TMEM117: variants seen among roughly 807,000 people sequenced by gnomAD.
The protein encoded by TMEM117 is transmembrane protein 117.
TMEM117 carries 27 observed loss-of-function variants against 52.4 expected under a neutral mutation model. The ratio of observed to expected loss-of-function variants is 0.51; its 90% CI spans 0.38 to 0.71. The LOEUF is 0.71. Among genes scored for constraint, TMEM117 ranks in the 30% least tolerant of loss-of-function variants. The pLI is 0.00. For synonymous variants in TMEM117, 215 were observed against 206.3 expected (o/e 1.04, Z -0.36); for missense variants, 556 against 630.5 (o/e 0.88, Z 1.26).
chr12:43,899,094 G>A (rs1188509926), intron 2 of TMEM117, among the ~76,000 whole-genome samples: 1 of 152,198 alleles, frequency 6.6e-6, no homozygotes, highest in Non-Finnish European at 1.5e-5. Context: ...ATACTGCTGA[G>A]AATTCAATAC....
At chr12:44,149,317 T>G (rs1948688959) in intron 4 of TMEM117, among the ~76,000 whole-genome samples, 1 of 152,160 alleles carries the variant, frequency 6.6e-6, no homozygotes, top group Non-Finnish European at 1.5e-5. Context: ...TAAATTTCAG[T>G]GGACAGAGAG....
At chr12:43,945,775 G>C (rs1945122224) in intron 3 of TMEM117, among the ~76,000 whole-genome samples, 1 of 152,194 alleles carries the variant, frequency 6.6e-6, no homozygotes, top group African/African-American at 2.4e-5. Context: ...AGATCAGAAA[G>C]TTAGGTAATA....
At chr12:43,842,453 C>T (rs1240565045) in intron 1 of TMEM117, among the ~76,000 whole-genome samples, 2 of 85,372 alleles carry the variant, frequency 2.3e-5, no homozygotes, top group African/African-American at 3.6e-4. Context: ...ATTCTATTGC[C>T]AATGTTTATA....
chr12:43,838,543 T>G (rs1297632064), intron 1 of TMEM117, among the ~76,000 whole-genome samples: 2 of 150,142 alleles, frequency 1.3e-5, no homozygotes, highest in South Asian at 2.2e-4. Flanking sequence ...TCCAGTTTTT[T>G]TTTTTTTTTT....
At chr12:44,063,329 A>G (rs1198139870) in intron 3 of TMEM117, among the ~76,000 whole-genome samples, 1 of 152,200 alleles carries the variant, frequency 6.6e-6, no homozygotes, top group Non-Finnish European at 1.5e-5. Flanking sequence ...AACCTTGAAT[A>G]TCTTATTAGC....
At chr12:44,058,296 T>C (rs1947089189) in intron 3 of TMEM117, among the ~76,000 whole-genome samples, 2 of 152,156 alleles carry the variant, frequency 1.3e-5, no homozygotes, top group Non-Finnish European at 1.5e-5. Context: ...GTCAAATCAG[T>C]ATGAAAAAGT....
chr12:44,180,631 A>C (rs1184247108), intron 4 of TMEM117, among the ~76,000 whole-genome samples: 2 of 151,250 alleles, frequency 1.3e-5, no homozygotes, highest in African/African-American at 2.4e-5. Context: ...GTGATAGTTT[A>C]CTGAGAATGA....
At chr12:43,968,258 C>T (rs149477613) in intron 3 of TMEM117, among the ~76,000 whole-genome samples, 10 of 152,090 alleles carry the variant, frequency 6.6e-5, no homozygotes, top group South Asian at 2.1e-4. Context: ...ACATCCTTAC[C>T]GTAAACAGAA....
intron 5 of TMEM117, among the ~76,000 whole-genome samples, chr12:44,272,697 C>T (rs561443410): frequency 1.8e-4 from 28 of 152,104 alleles, no homozygotes; most frequent in African/African-American, 6.5e-4. Flanking sequence ...GTTAGAATGG[C>T]GATCATTAAA....
chr12:44,079,089 A>G (rs932198220), intron 3 of TMEM117, among the ~76,000 whole-genome samples: 3 of 152,202 alleles, frequency 2.0e-5, no homozygotes, highest in Admixed American at 2.0e-4. Flanking sequence ...TATATGTGCC[A>G]CATTTTCCTT....
the TMEM117 span, among the ~76,000 whole-genome samples, chr12:43,813,231 GTTTT>G: frequency 0.043 from 2,693 of 62,482 alleles, 71 homozygotes; most frequent in African/African-American, 0.092. Context: ...GTTTTCTCTT[GTTTT>G]TTTTTTTTTT....
chr12:44,114,572 T>C (rs935118891), intron 3 of TMEM117, among the ~76,000 whole-genome samples: 1 of 152,180 alleles, frequency 6.6e-6, no homozygotes, highest in African/African-American at 2.4e-5. Context: ...CACATCCATT[T>C]CTAGTTTGTT....
chr12:44,017,166 G>A (rs1946384664), intron 3 of TMEM117, among the ~76,000 whole-genome samples: 1 of 151,504 alleles, frequency 6.6e-6, no homozygotes, highest in Non-Finnish European at 1.5e-5. Context: ...TGCTCATTTA[G>A]CAGGATACAT....
At chr12:44,392,612 T>C (rs918291464), downstream of TMEM117, among the ~76,000 whole-genome samples, 3 of 151,862 alleles carry the variant, frequency 2.0e-5, no homozygotes, top group South Asian at 2.1e-4. Context: ...CATGTTGGTG[T>C]GCTGCACCCA....
intron 5 of TMEM117, among the ~76,000 whole-genome samples, chr12:44,253,020 C>T (rs1352799176): frequency 1.3e-5 from 2 of 152,060 alleles, no homozygotes; most frequent in East Asian, 3.9e-4. Context: ...AAAAAGCAAC[C>T]CTCTAACTAA....
At chr12:44,157,396 A>G (rs987120451) in intron 4 of TMEM117, among the ~76,000 whole-genome samples, 12 of 152,308 alleles carry the variant, frequency 7.9e-5, no homozygotes, top group Admixed American at 7.9e-4. Context: ...AATTTAAAAA[A>G]TTACAGTGTT....
chr12:43,814,115 T>C, the TMEM117 span, among the ~76,000 whole-genome samples: 3 of 152,164 alleles, frequency 2.0e-5, no homozygotes, highest in Non-Finnish European at 2.9e-5. Flanking sequence ...TGAAATTATA[T>C]GTAATTTTCA....
Position 43,845,697 on chromosome 12 carries a change from C to G in TMEM117, c.277+769C>G, listed in dbSNP as rs369812818. 1.6e-4 allele frequency among the ~76,000 whole-genome samples: 24 copies of G among 151,714 alleles called. No homozygotes were observed. The East Asian group carries it at 2.5e-3, about 16-fold the overall frequency. ...CCTAATGCTATCCCTCCCCCCTCCC[C>G]CAACCCCATGACAGGGCCTGGGGTA... On this transcript the variant is annotated intron_variant, in intron 2 of 7. Transcript: ENST00000266534.
intron 3 of TMEM117, among the ~76,000 whole-genome samples, chr12:44,027,629 T>G (rs918778232): frequency 1.2e-4 from 19 of 152,206 alleles, no homozygotes; most frequent in African/African-American, 4.6e-4. Flanking sequence ...TGTTTCCTTC[T>G]TACTGCATTA....
Sources: gnomAD v4.1 joint callset for allele counts (sites outside exome capture counted in the v4.1 genomes callset) on GRCh38, gnomAD v4.1.1 for gene constraint, MANE v1.5 for transcripts, NCBI Gene and HGNC (gene_info 2026-07-23, HGNC 2026-07-21) for gene names.